FBXW7: variants seen among roughly 807,000 people sequenced by gnomAD.
The protein encoded by FBXW7 is F-box/WD repeat-containing protein 7.
Under a neutral mutation model 86.3 loss-of-function variants are expected in FBXW7, and 11 were observed. That is an observed-to-expected ratio of 0.13 (90% confidence interval 0.08 to 0.21). The LOEUF (loss-of-function observed/expected upper bound fraction) is 0.21, where lower values mean the gene tolerates loss of function less well. FBXW7 is among the 10% of genes least tolerant of loss of function. The pLI is 1.00. For missense variants in FBXW7, 488 were observed against 847.4 expected (o/e 0.58, Z 5.27); for synonymous variants, 313 against 297.9 (o/e 1.05, Z -0.52).
chr4:152,455,940 G>A (rs1260319756), intron 2 of FBXW7, among the ~76,000 whole-genome samples: 2 of 151,986 alleles, frequency 1.3e-5, no homozygotes, highest in Non-Finnish European at 2.9e-5. Context: ...AAAGTTTGTG[G>A]AGCCATATCA....
intron 6 of FBXW7, among the ~76,000 whole-genome samples, chr4:152,346,582 A>G (rs982008608): frequency 6.6e-6 from 1 of 152,174 alleles, no homozygotes; most frequent in Non-Finnish European, 1.5e-5. Context: ...GCTTCCCAGT[A>G]TATTCACCTT....
At chr4:152,427,355 T>C (rs774860002) in intron 2 of FBXW7, among the ~76,000 whole-genome samples, 2 of 152,222 alleles carry the variant, frequency 1.3e-5, no homozygotes, top group Middle Eastern at 3.2e-3. Context: ...TGGCCGTGCA[T>C]TGAGTGCTAA....
intron 4 of FBXW7, among the ~76,000 whole-genome samples, chr4:152,380,549 C>T (rs1734972680): frequency 6.6e-6 from 1 of 151,616 alleles, no homozygotes; most frequent in Non-Finnish European, 1.5e-5. Context: ...TAACATAACA[C>T]AGTAACCTAG....
intron 2 of FBXW7, among the ~76,000 whole-genome samples, chr4:152,502,016 C>G (rs1746997740): frequency 6.6e-6 from 1 of 152,072 alleles, no homozygotes; most frequent in Non-Finnish European, 1.5e-5. Flanking sequence ...TCAGAAGTCC[C>G]CTTGGTACTG....
intron 4 of FBXW7, among the ~76,000 whole-genome samples, chr4:152,376,388 T>TA (rs928250960): frequency 1.3e-5 from 2 of 151,996 alleles, no homozygotes; most frequent in African/African-American, 4.8e-5. Context: ...AATAAATAAT[T>TA]AGAGATGTTA....
At chr4:152,331,978 A>G (rs1729604086) in intron 8 of FBXW7, among the ~76,000 whole-genome samples, 1 of 152,098 alleles carries the variant, frequency 6.6e-6, no homozygotes. Context: ...CATGAAGGGA[A>G]TAATCACCTA....
chr4:152,527,877 C>T (rs984740254), intron 2 of FBXW7, among the ~76,000 whole-genome samples: 13 of 151,186 alleles, frequency 8.6e-5, no homozygotes, highest in African/African-American at 9.7e-5. Context: ...CACACACACA[C>T]ACACACACAC....
intron 4 of FBXW7, among the ~76,000 whole-genome samples, chr4:152,400,219 A>T (rs1736798321): frequency 6.6e-6 from 1 of 152,230 alleles, no homozygotes; most frequent in Admixed American, 6.5e-5. Context: ...GTGCTGAACC[A>T]CCGAACATCC....
chr4:152,448,716 A>G (rs1331021602), intron 2 of FBXW7, among the ~76,000 whole-genome samples: 1 of 152,238 alleles, frequency 6.6e-6, no homozygotes, highest in Non-Finnish European at 1.5e-5. Context: ...CTACTAAAAA[A>G]GAATAAAACA....
chr4:152,530,533 G>C (rs1188744115), intron 2 of FBXW7: 1 of 152,168 alleles, frequency 6.6e-6, no homozygotes, highest in Non-Finnish European at 1.5e-5. Flanking sequence ...CTACTTTTTA[G>C]CTGCATCCCT....
intron 2 of FBXW7, among the ~76,000 whole-genome samples, chr4:152,511,292 G>GC (rs371477693): frequency 0.082 from 7,237 of 88,558 alleles, 102 homozygotes; most frequent in South Asian, 0.21. Context: ...ACAGCCCCCC[G>GC]CCCCCCCCAC....
intron 2 of FBXW7, among the ~76,000 whole-genome samples, chr4:152,428,282 T>C (rs1429184628): frequency 6.6e-6 from 1 of 152,182 alleles, no homozygotes; most frequent in East Asian, 1.9e-4. Context: ...AGAGAGGCCA[T>C]ACCAAGCAGA....
intron 3 of FBXW7, 155 bp from the exon 4 acceptor site, chr4:152,412,027 A>C: frequency 1.6e-6 from 1 of 625,584 alleles, no homozygotes. Context: ...ACAATATAGA[A>C]CATTTCAATT....
At chr4:152,353,837 C>T (rs1449805860) in intron 4 of FBXW7, among the ~76,000 whole-genome samples, 1 of 152,154 alleles carries the variant, frequency 6.6e-6, no homozygotes, top group Non-Finnish European at 1.5e-5. Flanking sequence ...ATTCCTTGAG[C>T]TAGAAAAGCC....
intron 2 of FBXW7, among the ~76,000 whole-genome samples, chr4:152,480,333 C>T (rs778520212): frequency 2.0e-4 from 31 of 152,094 alleles, no homozygotes; most frequent in Non-Finnish European, 3.5e-4. Flanking sequence ...AGATGGCAAG[C>T]TTAACTGATA....
intron 2 of FBXW7, among the ~76,000 whole-genome samples, chr4:152,451,461 A>G (rs1005255613): frequency 1.3e-5 from 2 of 152,204 alleles, no homozygotes; most frequent in Admixed American, 1.3e-4. Context: ...TTATTTGCAT[A>G]AATAAGCATA....
At chr4:152,392,261 T>C (rs1233535804) in intron 4 of FBXW7, among the ~76,000 whole-genome samples, 1 of 152,050 alleles carries the variant, frequency 6.6e-6, no homozygotes, top group African/African-American at 2.4e-5. Flanking sequence ...TTGTGACTGT[T>C]TGGACCATTA....
chr4:152,367,649 T>A (rs758515092), intron 4 of FBXW7, among the ~76,000 whole-genome samples: 3 of 152,184 alleles, frequency 2.0e-5, no homozygotes, highest in Non-Finnish European at 4.4e-5. Flanking sequence ...TAACTTTGTA[T>A]GCAGATAAAA....
chr4:152,371,165 T>A (rs947113239), intron 4 of FBXW7, among the ~76,000 whole-genome samples: 1 of 151,922 alleles, frequency 6.6e-6, no homozygotes, highest in Non-Finnish European at 1.5e-5. Flanking sequence ...TTAAATTATA[T>A]CTACTGTTAT....
Sources: gnomAD v4.1 joint callset for allele counts (sites outside exome capture counted in the v4.1 genomes callset) on GRCh38, gnomAD v4.1.1 for gene constraint, MANE v1.5 for transcripts, NCBI Gene and HGNC (gene_info 2026-07-23, HGNC 2026-07-21) for gene names.